NPDC1: variants seen among roughly 807,000 people sequenced by gnomAD.
NPDC1 encodes neural proliferation differentiation and control protein 1.
NPDC1 carries 18 observed loss-of-function variants against 32.5 expected under a neutral mutation model. That is an observed-to-expected ratio of 0.55 (90% CI 0.38 to 0.82). The LOEUF is 0.82. Among genes scored for constraint, NPDC1 ranks in the 40% least tolerant of loss-of-function variants. The pLI, the probability that NPDC1 is intolerant of heterozygous loss-of-function variation, is 0.00. For synonymous variants in NPDC1, 210 were observed against 184.7 expected (o/e 1.14, Z -1.11); for missense variants, 468 against 406.6 (o/e 1.15, Z -1.30).
In NPDC1 at chr9:137,041,207, A is replaced by G. The variant is rs996665705; in HGVS notation, c.260-20T>C. 7.0e-7 allele frequency: 1 copy of G among 1,421,728 alleles called. No individual in the cohort carries two copies. The highest frequency in any genetic ancestry group is 9.2e-7 in the Non-Finnish European group (1 of 1,086,426). The allele number at this position is 1,421,728 out of a possible 1,614,324, so 88.1% of individuals were successfully genotyped here. A position where few individuals can be genotyped will look rare whatever the true frequency, so the allele number is the denominator to read the frequency against. On this transcript the variant is annotated intron_variant, in intron 2 of 8. Transcript: ENST00000371601. Reference sequence around the variant, plus strand: ...CCCCGCCTGGGGAGGGTGAGGGGCCATCAGGTGGAGGGGTCCGTCCAGGAG... The same window carrying G: ...CCCCGCCTGGGGAGGGTGAGGGGCCGTCAGGTGGAGGGGTCCGTCCAGGAG...
chr9:137,044,271 C>A, intron 1 of NPDC1, among the ~76,000 whole-genome samples: 1 of 152,246 alleles, frequency 6.6e-6, no homozygotes, highest in African/African-American at 2.4e-5. Flanking sequence ...CACCGCACAC[C>A]CTCCACAACC....
At chr9:137,039,926 A>AC in intron 8 of NPDC1, 45 bp downstream of exon 8, 1 of 778,218 alleles carries the variant, frequency 1.3e-6, no homozygotes, top group Admixed American at 1.7e-5. Flanking sequence ...CTGGGAGGGA[A>AC]CCCCAGGAGA....
intron 3 of NPDC1, 29 bp from the exon 4 acceptor site, chr9:137,041,013 G>C: frequency 6.6e-7 from 1 of 1,524,470 alleles, no homozygotes. Flanking sequence ...TAGAATGAGA[G>C]CACTGGGCTA....
chr9:137,039,754 C>T lies in NPDC1; in HGVS notation c.*18G>A, dbSNP rs1461056381. On this transcript the variant is annotated 3_prime_UTR_variant, in exon 9 of 9. Transcript: ENST00000371601. ...GCCTCGAGGTCGGGGAGCAGGTGGG[C>T]GTCTGTCTGCCTCCAGGTCATGGCA... The T allele has an allele frequency of 1.2e-5, 9 of 745,020 alleles. No homozygotes were observed. Among genetic ancestry groups the T allele is most frequent in the Non-Finnish European group, 2.0e-5 (8 of 399,880 alleles). 46.2% of individuals were successfully genotyped at this position (745,020 alleles called of 1,614,324 possible).
chr9:137,045,965 A>C lies in NPDC1; in HGVS notation c.25T>G (p.Ser9Ala), dbSNP rs1026662972. The C allele has an allele frequency of 2.1e-5, 25 of 1,190,236 alleles. No individual in the cohort carries two copies. The highest frequency in any genetic ancestry group is 2.4e-5 in the Non-Finnish European group (23 of 961,386). 73.7% of individuals were successfully genotyped at this position (1,190,236 alleles called of 1,614,324 possible). A position where few individuals can be genotyped will look rare whatever the true frequency, so the allele number is the denominator to read the frequency against. The change falls in exon 1 of 9, where the codon TCC becomes GCC. Residue 9 changes from serine (S) to alanine (A), a missense_variant. Transcript: ENST00000371601. MATPLPPP[S>A]PRHLRLLRLL... The stretch of plus-strand genomic sequence containing the variant: ...CGCAGCAGCCGCAGGTGCCGCGGGG[A>C]GGGCGGAGGCAGCGGCGTCGCCATC...
chr9:137,045,531 C>A (rs973057853), intron 1 of NPDC1, among the ~76,000 whole-genome samples: 1 of 152,214 alleles, frequency 6.6e-6, no homozygotes, highest in Admixed American at 6.5e-5. Context: ...GACACAGAGA[C>A]GCACACAGGC....
At chr9:137,044,391 G>A (rs1471335889) in intron 1 of NPDC1, among the ~76,000 whole-genome samples, 1 of 152,198 alleles carries the variant, frequency 6.6e-6, no homozygotes, top group African/African-American at 2.4e-5. Context: ...CCTGGGGAGT[G>A]AGGCAGTCCC....
chr9:137,040,785 GC>G, intron 4 of NPDC1, 28 bp downstream of exon 4: 3 of 1,584,962 alleles, frequency 1.9e-6, no homozygotes, highest in Non-Finnish European at 8.5e-7. Context: ...GCGCCCTGCT[GC>G]CCCTGCCCAC....
Position 137,041,298 on chromosome 9 carries a change from C to T in NPDC1, c.260-111G>A, listed in dbSNP as rs146629528. 1.0e-4 allele frequency: 122 copies of T among 1,166,412 alleles called. 1 individual carries two copies. In the East Asian group the frequency reaches 3.1e-3, roughly 30 times the overall value. 72.3% of individuals were successfully genotyped at this position (1,166,412 alleles called of 1,614,324 possible). On this transcript the variant is annotated intron_variant, in intron 2 of 8. Transcript: ENST00000371601. ...CCCAGGAGCCTGAGGACTGGGTACA[C>T]GCCTGGAGGCCCTCTCCCTCCCAGA...
chr9:137,041,227 C>T lies in NPDC1; in HGVS notation c.260-40G>A, dbSNP rs1832047179. The T allele has an allele frequency of 3.6e-6, 5 of 1,388,028 alleles. No individual in the cohort carries two copies. The South Asian group carries it at 7.3e-5, about 20-fold the overall frequency. 86.0% of individuals were successfully genotyped at this position (1,388,028 alleles called of 1,614,324 possible). On this transcript the variant is annotated intron_variant, in intron 2 of 8. Coordinates refer to ENST00000371601, the MANE Select transcript of NPDC1 (RefSeq NM_015392.4). ...GGGCCATCAGGTGGAGGGGTCCGTC[C>T]AGGAGGTAGCCCCAGGCCCGGCCTC...
rs4273935 is a variant in NPDC1, at chr9:137,040,895, G to A, written c.475C>T (p.Leu159=). The A allele has an allele frequency of 4.4e-6, 7 of 1,583,710 alleles. No homozygotes were observed. The highest frequency in any genetic ancestry group is 5.1e-6 in the Non-Finnish European group (6 of 1,166,896). The stretch of plus-strand genomic sequence containing the variant: ...GGGTCGGATGACACAGGGGAGCCCA[G>A]GGAGGTGTGGGGCGTGGGCGTGGGG... The part of the protein sequence containing the change: ...GTPTPTPHTS[L]GSPVSSDPVH... Residue 159 remains leucine (L), a synonymous_variant, in exon 4 of 9, where the codon CTG becomes TTG. Transcript: ENST00000371601.
rs769448616 is a variant in NPDC1, at chr9:137,042,958, C to A, written c.228G>T (p.Gly76=). The A allele has an allele frequency of 6.2e-7, 1 of 1,610,088 alleles. No homozygotes were observed. The highest frequency in any genetic ancestry group is 8.5e-7 in the Non-Finnish European group (1 of 1,178,082). ...GCCGGCGCATCCTGGGCACACAGAG[C>A]CCTTGCTGGTCCTCCTGGAAGGGCT... ...CLQPFQEDQQ[G]LCVPRMRRPP... The change falls in exon 2 of 9, where the codon GGG becomes GGT. Residue 76 remains glycine, a synonymous_variant. Transcript: ENST00000371601.
At position 137,043,634 on chromosome 9, in the gene NPDC1, A is replaced by C; in HGVS notation, c.113-561T>G. 7.7e-6 allele frequency: 4 copies of C among 518,208 alleles called. No individual in the cohort carries two copies. The South Asian group carries it at 1.1e-4, about 15-fold the overall frequency. 32.1% of individuals were successfully genotyped at this position (518,208 alleles called of 1,614,324 possible). A position where few individuals can be genotyped will look rare whatever the true frequency, so the allele number is the denominator to read the frequency against. ...CAGGCACCGAGGACACCTAAGATGGAGTCTGCTGACCTCACTGGCCTCAGA... is the reference window on the plus strand; with the variant it reads ...CAGGCACCGAGGACACCTAAGATGGCGTCTGCTGACCTCACTGGCCTCAGA... On this transcript the variant is annotated intron_variant, in intron 1 of 8. Transcript: ENST00000371601.
chr9:137,040,720 A>C lies in NPDC1; in HGVS notation c.574T>G (p.Cys192Gly). 6.3e-7 allele frequency: 1 copy of C among 1,590,434 alleles called. No homozygotes were observed. The highest frequency in any genetic ancestry group is 1.8e-5 in the Admixed American group (1 of 56,942). Reference protein sequence around the residue: ...GLALVLILAFCVAGAAALSVA... With the variant: ...GLALVLILAFGVAGAAALSVA... ...GAGAGGGCGGCTGCACCGGCCACAC[A>C]GAACGCCAGGATCAGCACTGCAGGA... The change falls in exon 5 of 9, where the codon TGT becomes GGT. Residue 192 changes from cysteine (C) to glycine (G), a missense_variant. Physicochemically the swap from Cys to Gly is radical, Grantham distance 159. Coordinates refer to ENST00000371601, the MANE Select transcript of NPDC1 (RefSeq NM_015392.4).
At chr9:137,040,216 G>A in intron 7 of NPDC1, 141 bp downstream of exon 7, 2 of 810,176 alleles carry the variant, frequency 2.5e-6, no homozygotes, top group South Asian at 1.6e-5. Context: ...AGGGTGCAGG[G>A]CGGCGGGGGA....
rs1487231418 is a variant in NPDC1 at position 137,046,010 on chromosome 9, G to A, written c.-21C>T. ...GCCATCCTTCAGCGCCGCCGCCGGG[G>A]CAGCATGGCACCGCGAGGCCAGGGG... is the stretch of plus-strand genomic sequence containing the variant. On this transcript the variant is annotated 5_prime_UTR_variant, in exon 1 of 9. Transcript: ENST00000371601. 3.0e-5 allele frequency: 36 copies of A among 1,189,202 alleles called. No homozygotes were observed. Among genetic ancestry groups the A allele is most frequent in the Admixed American group, 4.5e-5 (1 of 22,146 alleles). 73.7% of individuals were successfully genotyped at this position (1,189,202 alleles called of 1,614,324 possible).
intron 1 of NPDC1, among the ~76,000 whole-genome samples, chr9:137,045,102 T>A (rs1247106971): frequency 6.6e-6 from 1 of 152,196 alleles, no homozygotes; most frequent in African/African-American, 2.4e-5. Flanking sequence ...CAGAAAAACG[T>A]CAGCTTTGCA....
At chr9:137,040,336 A>T (rs1029347615) in intron 7 of NPDC1, 21 bp downstream of exon 7, 1 of 1,532,128 alleles carries the variant, frequency 6.5e-7, no homozygotes, top group Non-Finnish European at 8.7e-7. Flanking sequence ...TGGGGGTGGC[A>T]GTGCCGGGGC....
At chr9:137,042,046 C>A (rs1168755965) in intron 2 of NPDC1, among the ~76,000 whole-genome samples, 1 of 152,232 alleles carries the variant, frequency 6.6e-6, no homozygotes, top group Non-Finnish European at 1.5e-5. Context: ...GGCCCTTCCT[C>A]TCCCGTGGCC....
Sources: allele counts gnomAD v4.1 joint callset (sites outside exome capture counted in the v4.1 genomes callset), GRCh38; gene constraint gnomAD v4.1.1; transcripts MANE v1.5; gene names NCBI Gene and HGNC (gene_info 2026-07-23, HGNC 2026-07-21).